MDGA2: variants seen among roughly 807,000 people sequenced by gnomAD.
The protein encoded by MDGA2 is MAM domain-containing glycosylphosphatidylinositol anchor protein 2.
In MDGA2, 40 loss-of-function variants were observed where a neutral mutation model predicts 117.8. The ratio of observed to expected loss-of-function variants is 0.34; its 90% confidence interval spans 0.26 to 0.44. MDGA2 has a LOEUF of 0.44. Ranked by LOEUF, MDGA2 falls within the 20% of genes least tolerant of loss-of-function variation. MDGA2 has a pLI of 1.00. For missense variants in MDGA2, 1,123 were observed against 1,250.6 expected (o/e 0.90, Z 1.54); for synonymous variants, 452 against 439.0 (o/e 1.03, Z -0.37).
intron 3 of MDGA2, among the ~76,000 whole-genome samples, chr14:47,170,345 A>G (rs1457609135): frequency 2.0e-5 from 3 of 152,182 alleles, no homozygotes; most frequent in African/African-American, 7.2e-5. Flanking sequence ...AATAAATCAT[A>G]ATAACAAATA....
chr14:47,301,332 A>C, intron 2 of MDGA2, 79 bp downstream of exon 2: 1 of 1,476,688 alleles, frequency 6.8e-7, no homozygotes, highest in Non-Finnish European at 9.2e-7. Context: ...GTTTTAGCTA[A>C]ATATTCTAAA....
chr14:47,019,806 T>C (rs1031063059), intron 8 of MDGA2, among the ~76,000 whole-genome samples: 1 of 136,258 alleles, frequency 7.3e-6, no homozygotes, highest in Non-Finnish European at 1.5e-5. Context: ...ATTGCACCAC[T>C]CCAGCCGGGG....
chr14:47,458,449 G>T (rs1195342316), intron 1 of MDGA2, among the ~76,000 whole-genome samples: 5 of 152,108 alleles, frequency 3.3e-5, no homozygotes, highest in African/African-American at 4.8e-5. Flanking sequence ...ATTCTGAGTT[G>T]ATTTTTGTGT....
At chr14:46,977,401 G>C (rs777478273) in intron 8 of MDGA2, among the ~76,000 whole-genome samples, 1 of 151,638 alleles carries the variant, frequency 6.6e-6, no homozygotes, top group Non-Finnish European at 1.5e-5. Flanking sequence ...AAAAATAAAA[G>C]ATGAAAACAG....
At chr14:46,933,948 C>G (rs1387120215) in intron 9 of MDGA2, among the ~76,000 whole-genome samples, 2 of 150,254 alleles carry the variant, frequency 1.3e-5, no homozygotes, top group East Asian at 3.9e-4. Context: ...ATCCTGGATA[C>G]ACTTTGCAAA....
chr14:47,315,268 G>C (rs1889770901), intron 1 of MDGA2, among the ~76,000 whole-genome samples: 1 of 152,040 alleles, frequency 6.6e-6, no homozygotes, highest in Non-Finnish European at 1.5e-5. Context: ...TTTTCTCTGT[G>C]AACTTCCAGA....
chr14:47,295,874 A>C (rs1889048664), intron 2 of MDGA2, among the ~76,000 whole-genome samples: 1 of 152,076 alleles, frequency 6.6e-6, no homozygotes, highest in African/African-American at 2.4e-5. Flanking sequence ...ACTTGCACTC[A>C]AGCCTGGACG....
chr14:47,393,248 C>T (rs1284155537), intron 1 of MDGA2, among the ~76,000 whole-genome samples: 2 of 151,824 alleles, frequency 1.3e-5, no homozygotes, highest in East Asian at 1.9e-4. Flanking sequence ...TCATTTCTTT[C>T]ACATCGATGA....
chr14:47,348,459 A>T (rs1890809190), intron 1 of MDGA2, among the ~76,000 whole-genome samples: 1 of 152,064 alleles, frequency 6.6e-6, no homozygotes, highest in Admixed American at 6.6e-5. Flanking sequence ...TGATCCGCCC[A>T]CCTCAGCCTC....
chr14:47,447,041 T>G (rs1893137628), intron 1 of MDGA2, among the ~76,000 whole-genome samples: 1 of 152,164 alleles, frequency 6.6e-6, no homozygotes. Context: ...CACTATTCTC[T>G]TAAACCTGAC....
chr14:47,003,662 G>A (rs1321232192), intron 8 of MDGA2, among the ~76,000 whole-genome samples: 1 of 151,754 alleles, frequency 6.6e-6, no homozygotes, highest in African/African-American at 2.4e-5. Flanking sequence ...TCTCATCACT[G>A]AGTTTTGAAA....
At chr14:47,356,202 G>T (rs1890990063) in intron 1 of MDGA2, among the ~76,000 whole-genome samples, 1 of 152,150 alleles carries the variant, frequency 6.6e-6, no homozygotes, top group Non-Finnish European at 1.5e-5. Flanking sequence ...ACCTGTCAGA[G>T]ATATCAAATT....
chr14:47,079,515 G>A (rs1158543447), intron 6 of MDGA2, among the ~76,000 whole-genome samples: 2 of 151,976 alleles, frequency 1.3e-5, no homozygotes, highest in African/African-American at 4.8e-5. Context: ...GAAAAATACA[G>A]ATAATTTCTG....
At chr14:47,019,605 AG>A (rs1888212090) in intron 8 of MDGA2, among the ~76,000 whole-genome samples, 1 of 152,154 alleles carries the variant, frequency 6.6e-6, no homozygotes, top group Non-Finnish European at 1.5e-5. Flanking sequence ...GCACTTTGGA[AG>A]GCCGAGGCGG....
intron 1 of MDGA2, among the ~76,000 whole-genome samples, chr14:47,373,425 T>C (rs1403098847): frequency 6.6e-6 from 1 of 152,178 alleles, no homozygotes; most frequent in African/African-American, 2.4e-5. Flanking sequence ...AAAAAAAATC[T>C]ATTAACTTAA....
chr14:47,269,684 A>G (rs1033980096), intron 2 of MDGA2, among the ~76,000 whole-genome samples: 1 of 152,150 alleles, frequency 6.6e-6, no homozygotes, highest in Non-Finnish European at 1.5e-5. Context: ...CTAGGCTCTT[A>G]CTCAGAGCAT....
intron 10 of MDGA2, among the ~76,000 whole-genome samples, chr14:46,904,384 AT>A (rs1883411703): frequency 1.3e-5 from 2 of 149,916 alleles, no homozygotes; most frequent in African/African-American, 4.9e-5. Context: ...AGCCAATTTT[AT>A]TTTAAATATT....
intron 1 of MDGA2, among the ~76,000 whole-genome samples, chr14:47,522,694 T>C (rs1894895186): frequency 6.6e-6 from 1 of 152,216 alleles, no homozygotes; most frequent in Non-Finnish European, 1.5e-5. Flanking sequence ...GCTAAATTAA[T>C]TTAAAAGTAA....
chr14:47,285,939 A>G (rs188704929), intron 2 of MDGA2, among the ~76,000 whole-genome samples: 20 of 152,254 alleles, frequency 1.3e-4, no homozygotes, highest in Admixed American at 1.1e-3. Context: ...TTGACTGAAA[A>G]GTAATAATGC....
Sources: gnomAD v4.1 joint callset for allele counts (sites outside exome capture counted in the v4.1 genomes callset) on GRCh38, gnomAD v4.1.1 for gene constraint, MANE v1.5 for transcripts, NCBI Gene and HGNC (gene_info 2026-07-23, HGNC 2026-07-21) for gene names.